KIF27: variants seen among roughly 807,000 people sequenced by gnomAD.
The protein encoded by KIF27 is kinesin family member 27.
A neutral mutation model predicts 141.8 loss-of-function variants in KIF27; 84 were observed. The observed-to-expected ratio is 0.59, with a 90% CI of 0.50 to 0.71. The LOEUF is 0.71. Ranked by LOEUF, KIF27 falls within the 30% of genes least tolerant of loss-of-function variation. KIF27 has a pLI of 0.00. For synonymous variants in KIF27, 471 were observed against 569.5 expected, an observed-to-expected ratio of 0.83 and a Z score of 2.46; for missense variants, 1,306 against 1,628.4, an observed-to-expected ratio of 0.80 and a Z score of 3.41.
chr9:83,845,761 T>C (rs1279807767), intron 16 of KIF27, among the ~76,000 whole-genome samples: 1 of 152,230 alleles, frequency 6.6e-6, no homozygotes, highest in Non-Finnish European at 1.5e-5. Flanking sequence ...ATTCATGGGC[T>C]GTAGCCAGTG....
At chr9:83,839,000 A>G (rs2131456018) in intron 17 of KIF27, among the ~76,000 whole-genome samples, 1 of 152,272 alleles carries the variant, frequency 6.6e-6, no homozygotes, top group South Asian at 2.1e-4. Context: ...AGCTTTAAAA[A>G]ATCCTGCTCC....
chr9:83,913,628 G>A (rs1955407168), intron 2 of KIF27, among the ~76,000 whole-genome samples: 1 of 152,080 alleles, frequency 6.6e-6, no homozygotes, highest in Non-Finnish European at 1.5e-5. Flanking sequence ...GTAGAGACAG[G>A]GTTTCATCAT....
At chr9:83,915,231 T>C (rs1797485770) in intron 2 of KIF27, 63 bp downstream of exon 2, 2 of 1,359,068 alleles carry the variant, frequency 1.5e-6, no homozygotes, top group African/African-American at 1.5e-5. Flanking sequence ...GTGTCAGGTA[T>C]TGGTCATATT....
At chr9:83,891,532 A>G in intron 5 of KIF27, 31 bp from the exon 6 acceptor site, 1 of 1,560,820 alleles carries the variant, frequency 6.4e-7, no homozygotes, top group Non-Finnish European at 8.7e-7. Context: ...AATTTTTAAT[A>G]TAGAGCACTT....
At position 83,837,025 on chromosome 9, in the gene KIF27, C is replaced by T. The variant is rs754902390; in HGVS notation, c.4182G>A (p.Arg1394=). The T allele has an allele frequency of 1.2e-5, 20 of 1,613,542 alleles. No homozygotes were observed. The highest frequency in any genetic ancestry group is 1.7e-4 in the Middle Eastern group (1 of 6,056). Residue 1394 remains arginine (R), a synonymous_variant, in exon 18 of 18, where the codon AGG becomes AGA. Coordinates refer to ENST00000297814, the MANE Select transcript of KIF27 (RefSeq NM_017576.4). ...TCTAAGTTTTTAAGTCCCTTGGTTT[C>T]CTAGATACTTCGATGGAATCAGCAG... ...SMAADSIEVS[R]KPRDLKT is the part of the protein sequence containing the mutation.
chr9:83,852,402 G>T (rs1219387210), intron 15 of KIF27, among the ~76,000 whole-genome samples: 1 of 150,612 alleles, frequency 6.6e-6, no homozygotes, highest in South Asian at 2.1e-4. Flanking sequence ...GCACTGAGCC[G>T]AGATCACGCC....
At chr9:83,907,291 AAAATAAATAAATAAATAAATAAAT>A (rs201873830) in intron 3 of KIF27, among the ~76,000 whole-genome samples, 6 of 138,482 alleles carry the variant, frequency 4.3e-5, no homozygotes, top group Admixed American at 1.5e-4. Context: ...CTCCATCTCA[AAAATAAATAAATAAATAAATAAAT>A]AAATAAATAA....
At chr9:83,910,823 T>C (rs1419991748) in intron 2 of KIF27, among the ~76,000 whole-genome samples, 5 of 152,118 alleles carry the variant, frequency 3.3e-5, no homozygotes, top group South Asian at 2.1e-4. Flanking sequence ...GCTTTACAAA[T>C]AGGCGTAGGA....
chr9:83,848,233 T>G (rs554272055), intron 16 of KIF27, among the ~76,000 whole-genome samples: 3 of 97,740 alleles, frequency 3.1e-5, no homozygotes, highest in East Asian at 2.6e-4. Flanking sequence ...TCAGATATGA[T>G]ATATATGATA....
intron 5 of KIF27, among the ~76,000 whole-genome samples, chr9:83,892,965 T>TAG (rs1365759221): frequency 5.3e-5 from 8 of 152,346 alleles, no homozygotes; most frequent in Non-Finnish European, 1.0e-4. Context: ...CTGGGCACAG[T>TAG]GGCTCACACC....
At chr9:83,880,048 G>A (rs1198635889) in intron 11 of KIF27, 1 of 537,674 alleles carries the variant, frequency 1.9e-6, no homozygotes, top group African/African-American at 1.9e-5. Flanking sequence ...TTAAAGTTAG[G>A]ATCCTACTAA....
intron 5 of KIF27, among the ~76,000 whole-genome samples, chr9:83,895,614 T>C (rs1953129219): frequency 1.3e-5 from 2 of 150,938 alleles, no homozygotes; most frequent in African/African-American, 2.4e-5. Flanking sequence ...AGAATCCAAC[T>C]ATTTAAAGTA....
intron 8 of KIF27, 121 bp from the exon 9 acceptor site, chr9:83,887,317 G>A: frequency 3.3e-6 from 2 of 603,098 alleles, no homozygotes; most frequent in Non-Finnish European, 5.3e-6. Flanking sequence ...AGACAAAAAG[G>A]AAGGGGAGGA....
intron 12 of KIF27, among the ~76,000 whole-genome samples, chr9:83,870,129 ATCTATCTATCTC>A (rs1312336559): frequency 1.3e-5 from 2 of 150,152 alleles, no homozygotes; most frequent in African/African-American, 2.4e-5. Context: ...CAGTTTTTAC[ATCTATCTATCTC>A]TCTATCTATC....
In KIF27 at chr9:83,888,582, G is replaced by A. The variant is rs756856861; in HGVS notation, c.1990C>T (p.Arg664Cys). The A allele has an allele frequency of 6.3e-6, 10 of 1,579,996 alleles. No homozygotes were observed. The highest frequency in any genetic ancestry group is 1.7e-4 in the Middle Eastern group (1 of 5,960). Residue 664 changes from arginine to cysteine, a missense_variant, in exon 8 of 18, where the codon CGT becomes TGT. This residue lies in a region of KIF27 where 596 missense variants were observed against 751.6 expected (regional missense o/e 0.79). Transcript: ENST00000297814. Reference sequence around the variant, plus strand: ...GAGTCTGGCTTCTGAATCCATGAACGACTTCTACATCTTAAAAAAAAATCA... The same window carrying A: ...GAGTCTGGCTTCTGAATCCATGAACAACTTCTACATCTTAAAAAAAAATCA... ...QEKSGTRCRS[R>C]SWIQKPDSVC...
chr9:83,885,735 A>C (rs1377868595), intron 9 of KIF27, among the ~76,000 whole-genome samples: 2 of 151,990 alleles, frequency 1.3e-5, no homozygotes, highest in Non-Finnish European at 2.9e-5. Context: ...GGGCTGAATC[A>C]GTCCTCCTAC....
chr9:83,852,593 C>T (rs555714798), intron 15 of KIF27, among the ~76,000 whole-genome samples: 2 of 152,114 alleles, frequency 1.3e-5, no homozygotes, highest in African/African-American at 2.4e-5. Context: ...GGAGGCTGTG[C>T]ATAACATTTT....
intron 5 of KIF27, among the ~76,000 whole-genome samples, chr9:83,896,343 C>T (rs1052502892): frequency 1.6e-4 from 24 of 152,176 alleles, no homozygotes; most frequent in Admixed American, 6.5e-4. Flanking sequence ...ACTGTAGACA[C>T]TCCTTATCAA....
intron 5 of KIF27, among the ~76,000 whole-genome samples, chr9:83,896,452 T>A (rs1953268804): frequency 6.6e-6 from 1 of 151,990 alleles, no homozygotes; most frequent in Non-Finnish European, 1.5e-5. Context: ...AAAAATAAAA[T>A]TTTTTAAAGA....
Sources: allele counts gnomAD v4.1 joint callset (sites outside exome capture counted in the v4.1 genomes callset), GRCh38; gene constraint gnomAD v4.1.1; regional missense constraint gnomAD v4.1.1; transcripts MANE v1.5; gene names NCBI Gene and HGNC (gene_info 2026-07-23, HGNC 2026-07-21).